PPIL4: variants seen among roughly 807,000 people sequenced by gnomAD.
PPIL4 encodes the protein peptidylprolyl isomerase like 4.
In PPIL4, 50 loss-of-function variants were observed where a neutral mutation model predicts 69.1. The observed-to-expected ratio is 0.72, with a 90% CI of 0.58 to 0.92. The LOEUF (loss-of-function observed/expected upper bound fraction) is 0.92, where lower values mean the gene tolerates loss of function less well. Among genes scored for constraint, PPIL4 ranks in the 40% least tolerant of loss-of-function variants. PPIL4 has a pLI of 0.00. For synonymous variants in PPIL4, 193 were observed against 191.6 expected, an observed-to-expected ratio of 1.01 and a Z score of -0.06; for missense variants, 480 against 587.9, an observed-to-expected ratio of 0.82 and a Z score of 1.90.
At chr6:149,535,065 C>T (rs1037726514) in intron 5 of PPIL4, among the ~76,000 whole-genome samples, 1 of 152,146 alleles carries the variant, frequency 6.6e-6, no homozygotes, top group Admixed American at 6.5e-5. Context: ...AAAGCATTAA[C>T]AATTCCTCCA....
At chr6:149,540,539 C>T (rs1777343316) in intron 4 of PPIL4, among the ~76,000 whole-genome samples, 1 of 151,952 alleles carries the variant, frequency 6.6e-6, no homozygotes, top group Non-Finnish European at 1.5e-5. Flanking sequence ...TGCTTGAACC[C>T]GGGAGGGAGA....
At chr6:149,545,811 C>T in intron 1 of PPIL4, 125 bp downstream of exon 1, 2 of 852,474 alleles carry the variant, frequency 2.3e-6, no homozygotes, top group Non-Finnish European at 1.9e-6. Context: ...ATAGCCCAGT[C>T]GCGGGCACCA....
intron 4 of PPIL4, among the ~76,000 whole-genome samples, chr6:149,537,764 C>T (rs1310661063): frequency 6.6e-6 from 1 of 151,760 alleles, no homozygotes; most frequent in Admixed American, 6.6e-5. Context: ...AATGGAACAA[C>T]AAAGCTTGGA....
chr6:149,520,282 G>A (rs1033552095), intron 10 of PPIL4, among the ~76,000 whole-genome samples: 2 of 152,042 alleles, frequency 1.3e-5, no homozygotes, highest in African/African-American at 4.8e-5. Flanking sequence ...GTACCAATAG[G>A]TGATAATGGT....
At chr6:149,523,799 AAAAT>A (rs1274436142) in intron 9 of PPIL4, among the ~76,000 whole-genome samples, 1 of 152,208 alleles carries the variant, frequency 6.6e-6, no homozygotes, top group Non-Finnish European at 1.5e-5. Context: ...TATTTGTGAG[AAAAT>A]AAATAATAGA....
chr6:149,538,630 T>G (rs1416585827), intron 4 of PPIL4, among the ~76,000 whole-genome samples: 1 of 152,194 alleles, frequency 6.6e-6, no homozygotes, highest in Admixed American at 6.5e-5. Flanking sequence ...AATATCAACA[T>G]TAACAGAAGT....
At chr6:149,544,470 T>C (rs1340277777) in intron 1 of PPIL4, among the ~76,000 whole-genome samples, 1 of 152,196 alleles carries the variant, frequency 6.6e-6, no homozygotes, top group East Asian at 1.9e-4. Context: ...GAGATGATAA[T>C]TATGGTATAG....
At chr6:149,535,097 C>T (rs1375754417) in intron 5 of PPIL4, among the ~76,000 whole-genome samples, 1 of 152,160 alleles carries the variant, frequency 6.6e-6, no homozygotes, top group East Asian at 1.9e-4. Context: ...TGGCTCATTC[C>T]TGTAATCCCA....
intron 11 of PPIL4, among the ~76,000 whole-genome samples, chr6:149,513,608 G>C (rs991199506): frequency 3.3e-5 from 5 of 150,838 alleles, no homozygotes; most frequent in Non-Finnish European, 5.9e-5. Context: ...CTAGAAAGGT[G>C]TTTATGAAAA....
At chr6:149,518,622 A>G (rs1217592574) in intron 10 of PPIL4, among the ~76,000 whole-genome samples, 1 of 152,224 alleles carries the variant, frequency 6.6e-6, no homozygotes, top group Non-Finnish European at 1.5e-5. Flanking sequence ...AATGTTTCCC[A>G]TAAATGTGAA....
At chr6:149,519,841 C>T (rs1777003503) in intron 10 of PPIL4, among the ~76,000 whole-genome samples, 1 of 152,134 alleles carries the variant, frequency 6.6e-6, no homozygotes, top group Admixed American at 6.6e-5. Flanking sequence ...GAAAGTAACC[C>T]TGAAATTCCC....
At chr6:149,532,795 AAC>A (rs1417086462) in intron 7 of PPIL4, among the ~76,000 whole-genome samples, 1 of 152,206 alleles carries the variant, frequency 6.6e-6, no homozygotes, top group African/African-American at 2.4e-5. Context: ...CAGCCTGAAC[AAC>A]AGAGTGAGAC....
intron 4 of PPIL4, 124 bp from the exon 5 acceptor site, chr6:149,535,862 A>T (rs1777268053): frequency 4.9e-6 from 3 of 614,552 alleles, no homozygotes; most frequent in Admixed American, 6.3e-5. Flanking sequence ...CAATTCTTAG[A>T]CACTTGTTAC....
intron 7 of PPIL4, among the ~76,000 whole-genome samples, chr6:149,531,010 G>A (rs1468637954): frequency 1.3e-5 from 2 of 152,098 alleles, no homozygotes; most frequent in Non-Finnish European, 2.9e-5. Flanking sequence ...GTACTATTTC[G>A]GCTGTGGGTG....
chr6:149,537,705 C>CAA (rs750622067), intron 4 of PPIL4, among the ~76,000 whole-genome samples: 1 of 130,082 alleles, frequency 7.7e-6, no homozygotes, highest in Admixed American at 7.9e-5. Context: ...GACTCCATCT[C>CAA]AAAAAAAAAA....
At chr6:149,525,254 AG>A in intron 8 of PPIL4, 45 bp from the exon 9 acceptor site, 1 of 1,055,720 alleles carries the variant, frequency 9.5e-7, no homozygotes, top group Non-Finnish European at 1.4e-6. Context: ...AAAAAAAGGA[AG>A]AAAGCATTCA....
chr6:149,512,614 A>T (rs1012347442), intron 11 of PPIL4, among the ~76,000 whole-genome samples: 13 of 152,222 alleles, frequency 8.5e-5, no homozygotes, highest in African/African-American at 3.1e-4. Context: ...ATCTTTAACT[A>T]GAAAAAATTA....
At position 149,526,697 on chromosome 6, in the gene PPIL4, T is replaced by C. The variant is rs150257680; in HGVS notation, c.758A>G (p.Asp253Gly). Reference protein sequence around the residue: ...FVCKLNPVTTDEDLEIIFSRF... With the variant: ...FVCKLNPVTTGEDLEIIFSRF... ...AGAGAATATTATTTCCAGATCCTCA[T>C]CTGTGGTCACTGGGTTCAATTTACA... Residue 253 changes from aspartate to glycine, a missense_variant, in exon 8 of 13, where the codon GAT (aspartate) becomes GGT (glycine). Physicochemically the swap from Asp to Gly is moderately conservative, Grantham distance 94. Coordinates refer to ENST00000253329, the MANE Select transcript of PPIL4 (RefSeq NM_139126.4). 1.1e-5 allele frequency: 18 copies of C among 1,611,866 alleles called. No individual in the cohort carries two copies. The highest frequency in any genetic ancestry group is 2.2e-5 in the East Asian group (1 of 44,804).
chr6:149,544,222 T>TA (rs1777406664), intron 1 of PPIL4, among the ~76,000 whole-genome samples: 2 of 152,014 alleles, frequency 1.3e-5, no homozygotes, highest in Admixed American at 1.3e-4. Context: ...AATCAAGAGA[T>TA]AAAAAACAAA....
Sources: gnomAD v4.1 joint callset for allele counts (sites outside exome capture counted in the v4.1 genomes callset) on GRCh38, gnomAD v4.1.1 for gene constraint, MANE v1.5 for transcripts, NCBI Gene and HGNC (gene_info 2026-07-23, HGNC 2026-07-21) for gene names.